Variants in VTI1A observed in about 807,000 individuals in gnomAD.
VTI1A encodes the protein vesicle transport through interaction with t-SNAREs homolog 1A.
A neutral mutation model predicts 34.9 loss-of-function variants in VTI1A; 22 were observed. That is an observed-to-expected ratio of 0.63 (90% CI 0.45 to 0.90). The LOEUF (loss-of-function observed/expected upper bound fraction) is 0.90. Among genes scored for constraint, VTI1A ranks in the 40% least tolerant of loss-of-function variants. The pLI is 0.00. For synonymous variants in VTI1A, 87 were observed against 97.3 expected (o/e 0.89, Z 0.62); for missense variants, 268 against 275.6 (o/e 0.97, Z 0.20).
intron 5 of VTI1A, chr10:112,548,987 C>T (rs1246102418): frequency 1.6e-6 from 1 of 622,070 alleles, no homozygotes; most frequent in Non-Finnish European, 2.8e-6. Flanking sequence ...CCTTCCCTGC[C>T]CTCCTGCCTT....
chr10:112,667,810 A>T (rs552967509), intron 5 of VTI1A, among the ~76,000 whole-genome samples: 12 of 152,300 alleles, frequency 7.9e-5, no homozygotes, highest in South Asian at 6.2e-4. Flanking sequence ...ATGGAGTCTG[A>T]CATACATATG....
At chr10:112,548,600 T>A in intron 5 of VTI1A, 1 of 877,822 alleles carries the variant, frequency 1.1e-6, no homozygotes, top group Non-Finnish European at 1.9e-6. Flanking sequence ...CAGGTATTAT[T>A]CATTGAATAA....
rs1371769063 is a variant in VTI1A at position 112,464,578 on chromosome 10, TA to T, written c.186del (p.Pro63HisfsTer12). 6.2e-7 allele frequency: 1 copy of T among 1,612,966 alleles called. No homozygotes were observed. Among genetic ancestry groups the T allele is most frequent in the South Asian group, 1.1e-5 (1 of 90,994 alleles). On this transcript the variant is annotated frameshift_variant, in exon 3 of 8. Transcript: ENST00000393077. LOFTEE classifies it high-confidence loss of function. ...LEQMDLEVREIPPQSRGMYSN... is the reference protein window; with the variant it reads ...LEQMDLEVREXPPQSRGMYSN... ...CAGATGGATTTGGAAGTCCGAGAGA[TA>T]CCACCCCAAAGTCGAGGGATGTACA...
At chr10:112,573,705 G>A (rs1019161359) in intron 5 of VTI1A, among the ~76,000 whole-genome samples, 1 of 152,186 alleles carries the variant, frequency 6.6e-6, no homozygotes, top group African/African-American at 2.4e-5. Context: ...TTTCTAGCAA[G>A]CTCAGTAATG....
chr10:112,500,656 C>T (rs1043073021), intron 3 of VTI1A, among the ~76,000 whole-genome samples: 1 of 152,052 alleles, frequency 6.6e-6, no homozygotes, highest in African/African-American at 2.4e-5. Flanking sequence ...TATTATTGGC[C>T]TCCCTCCTGT....
intron 7 of VTI1A, among the ~76,000 whole-genome samples, chr10:112,741,183 C>T (rs116444538): frequency 0.018 from 2,774 of 152,206 alleles, 87 homozygotes; most frequent in African/African-American, 0.063. Flanking sequence ...GGGCCAGGCA[C>T]GGTGGCTCAC....
intron 5 of VTI1A, among the ~76,000 whole-genome samples, chr10:112,576,508 T>C (rs985547798): frequency 6.6e-6 from 1 of 152,162 alleles, no homozygotes; most frequent in African/African-American, 2.4e-5. Flanking sequence ...AATCTGAAGA[T>C]AATAAAAAAA....
chr10:112,662,537 G>A (rs567159238), intron 5 of VTI1A, among the ~76,000 whole-genome samples: 11 of 152,032 alleles, frequency 7.2e-5, no homozygotes, highest in East Asian at 3.9e-4. Flanking sequence ...TGATAAACTC[G>A]TATTTTCACC....
At chr10:112,532,487 C>A (rs1661744177) in intron 4 of VTI1A, among the ~76,000 whole-genome samples, 2 of 152,120 alleles carry the variant, frequency 1.3e-5, no homozygotes, top group African/African-American at 4.8e-5. Flanking sequence ...GTCGTCATCT[C>A]ACTTATACAG....
intron 3 of VTI1A, among the ~76,000 whole-genome samples, chr10:112,520,200 C>G (rs1172699604): frequency 6.6e-6 from 1 of 152,016 alleles, no homozygotes; most frequent in Non-Finnish European, 1.5e-5. Flanking sequence ...TGCATACTTA[C>G]ACTATTCCAG....
chr10:112,599,991 T>C (rs1259393097), intron 5 of VTI1A, among the ~76,000 whole-genome samples: 1 of 152,216 alleles, frequency 6.6e-6, no homozygotes, highest in Non-Finnish European at 1.5e-5. Flanking sequence ...GATAGATACT[T>C]ATTATTCTCA....
At chr10:112,625,757 G>C (rs1374776770) in intron 5 of VTI1A, among the ~76,000 whole-genome samples, 1 of 152,098 alleles carries the variant, frequency 6.6e-6, no homozygotes. Context: ...AGGGGGAAAG[G>C]GTGGGAAGGG....
chr10:112,549,595 AG>A (rs1435445427), intron 5 of VTI1A, among the ~76,000 whole-genome samples: 1 of 152,228 alleles, frequency 6.6e-6, no homozygotes, highest in African/African-American at 2.4e-5. Context: ...TAAATATTTT[AG>A]AGAAAAAATT....
chr10:112,741,602 A>G (rs772609171), intron 7 of VTI1A, among the ~76,000 whole-genome samples: 48 of 152,350 alleles, frequency 3.2e-4, no homozygotes, highest in Middle Eastern at 6.8e-3. Flanking sequence ...TATGTGAATC[A>G]TACCTCAATA....
chr10:112,593,759 C>T (rs1045192206), intron 5 of VTI1A, among the ~76,000 whole-genome samples: 4 of 151,906 alleles, frequency 2.6e-5, no homozygotes, highest in Admixed American at 1.3e-4. Flanking sequence ...TTTTTTGAGA[C>T]GGAGTCTTGC....
intron 5 of VTI1A, among the ~76,000 whole-genome samples, chr10:112,559,596 C>G (rs1311454463): frequency 6.6e-6 from 1 of 152,124 alleles, no homozygotes; most frequent in Non-Finnish European, 1.5e-5. Flanking sequence ...TACATGCACC[C>G]CCCAGTGCTG....
At chr10:112,830,291 G>A in the VTI1A span, among the ~76,000 whole-genome samples, 3 of 151,724 alleles carry the variant, frequency 2.0e-5, no homozygotes, top group Non-Finnish European at 4.4e-5. Context: ...CCTACCCCTG[G>A]CCAGGCATTT....
Position 112,818,543 on chromosome 10 carries a change from A to G in VTI1A, c.*3160A>G, listed in dbSNP as rs1853588166. ...ACAGCCTGCCTGCTGCTGTATTTGA[A>G]GTTGTAATGGTGTCAAAAAGTCACG... On this transcript the variant is annotated 3_prime_UTR_variant, in exon 8 of 8. Transcript: ENST00000393077. 4.4e-6 allele frequency: 1 copy of G among 225,496 alleles called. No homozygotes were observed. The highest frequency in any genetic ancestry group is 8.9e-6 in the Non-Finnish European group (1 of 112,912). The allele number at this position is 225,496 out of a possible 1,614,324, so 14.0% of individuals were successfully genotyped here. A position where few individuals can be genotyped will look rare whatever the true frequency, so the allele number is the denominator to read the frequency against.
chr10:112,470,191 G>A (rs1016711447), intron 3 of VTI1A, among the ~76,000 whole-genome samples: 2 of 151,996 alleles, frequency 1.3e-5, no homozygotes, highest in Admixed American at 6.6e-5. Context: ...TAGATTTAAT[G>A]TTTCTTAATT....
Sources: allele counts gnomAD v4.1 joint callset (sites outside exome capture counted in the v4.1 genomes callset), GRCh38; gene constraint gnomAD v4.1.1; transcripts MANE v1.5; gene names NCBI Gene and HGNC (gene_info 2026-07-23, HGNC 2026-07-21).